Variants in UPF2 observed in about 807,000 individuals in gnomAD.
UPF2 encodes regulator of nonsense transcripts 2.
In UPF2, 17 loss-of-function variants were observed where a neutral mutation model predicts 141.4. The ratio of observed to expected loss-of-function variants is 0.12; its 90% CI spans 0.08 to 0.18. UPF2 has a LOEUF of 0.18. UPF2 is among the 10% of genes least tolerant of loss of function. The pLI, the probability that UPF2 is intolerant of heterozygous loss-of-function variation, is 1.00. For missense variants in UPF2, 1,152 were observed against 1,515.9 expected (o/e 0.76, Z 3.99); for synonymous variants, 540 against 498.0 (o/e 1.08, Z -1.12).
At chr10:11,965,717 C>T (rs1242248140) in intron 10 of UPF2, among the ~76,000 whole-genome samples, 2 of 152,138 alleles carry the variant, frequency 1.3e-5, no homozygotes, top group African/African-American at 4.8e-5. Context: ...CCTCGGCCTC[C>T]CAAAGTGCTG....
chr10:11,943,274 C>A, intron 16 of UPF2, 106 bp from the exon 17 acceptor site: 1 of 978,542 alleles, frequency 1.0e-6, no homozygotes, highest in South Asian at 1.6e-5. Context: ...TTATTATTCT[C>A]AAGTTTTAGC....
chr10:12,041,928 C>G (rs576766093), intron 1 of UPF2, among the ~76,000 whole-genome samples: 1 of 152,294 alleles, frequency 6.6e-6, no homozygotes, highest in South Asian at 2.1e-4. Context: ...TCCGATCACC[C>G]CAGCGTGGAC....
At chr10:11,994,655 G>C (rs12416026) in intron 8 of UPF2, among the ~76,000 whole-genome samples, 7,975 of 152,190 alleles carry the variant, frequency 0.052, 285 homozygotes, top group Non-Finnish European at 0.08. Flanking sequence ...ACTATACTTG[G>C]TGTTGGAGAT....
chr10:11,952,254 T>C lies in UPF2; in HGVS notation c.2851-5A>G. ...TTTCTTCCACCAAACATAACGCTGA[T>C]AACAAATGAAAAATAAATTTAGCTA... On this transcript the variant is annotated splice_region_variant and splice_polypyrimidine_tract_variant and intron_variant, in intron 14 of 21. Transcript: ENST00000357604. 6.3e-7 allele frequency: 1 copy of C among 1,577,244 alleles called. No homozygotes were observed. Among genetic ancestry groups the C allele is most frequent in the East Asian group, 2.3e-5 (1 of 44,370 alleles).
chr10:11,944,402 G>T (rs1832975365), intron 16 of UPF2, among the ~76,000 whole-genome samples: 2 of 152,120 alleles, frequency 1.3e-5, no homozygotes, highest in South Asian at 4.1e-4. Context: ...TCTGAGGCAG[G>T]AGAATCACTG....
In UPF2 at chr10:11,981,748, C is replaced by A. The variant is rs185620565; in HGVS notation, c.1845-2583G>T. On this transcript the variant is annotated intron_variant, in intron 8 of 21. Coordinates refer to ENST00000357604, the MANE Select transcript of UPF2 (RefSeq NM_015542.4). ...CAGGCTGGAGTGGAGTGCAGTGGTA[C>A]AATCTCGGCTCACTGCAACCTCCGC... Among the ~76,000 whole-genome samples the A allele has an allele frequency of 6.7e-3, 1,025 of 152,086 alleles. 7 individuals are homozygous for A. The highest frequency in any genetic ancestry group is 0.023 in the African/African-American group (967 of 41,492).
In UPF2 at chr10:11,956,632, T is replaced by C; in HGVS notation, c.2371-109A>G. The C allele has an allele frequency of 2.1e-6, 2 of 952,550 alleles. No individual in the cohort carries two copies. Among genetic ancestry groups the C allele is most frequent in the Non-Finnish European group, 3.2e-6 (2 of 630,652 alleles). 59.0% of individuals were successfully genotyped at this position (952,550 alleles called of 1,614,324 possible). On this transcript the variant is annotated intron_variant, in intron 12 of 21. Coordinates refer to ENST00000357604, the MANE Select transcript of UPF2 (RefSeq NM_015542.4). The surrounding 1 kb of genome is among the most constrained non-coding windows in gnomAD (Gnocchi z 4.2). ...CGCAGAGAACTTTTGAAATAGAAAA[T>C]ACATTAGAAATCCTCTATCGGCCTC...
chr10:11,927,801 T>A (rs1284444578), intron 21 of UPF2, among the ~76,000 whole-genome samples: 1 of 152,060 alleles, frequency 6.6e-6, no homozygotes, highest in Non-Finnish European at 1.5e-5. Context: ...TTGATTAGAG[T>A]TATCTGAGCA....
chr10:11,947,786 C>CAAAAAAAAAA (rs58897556), intron 16 of UPF2, among the ~76,000 whole-genome samples: 8 of 65,606 alleles, frequency 1.2e-4, no homozygotes, highest in African/African-American at 4.7e-4. Context: ...AACCTTGTCT[C>CAAAAAAAAAA]AAAAAAAAAA....
At chr10:12,004,916 C>T (rs1834010897) in intron 4 of UPF2, among the ~76,000 whole-genome samples, 189 bp from the exon 5 acceptor site, 2 of 152,002 alleles carry the variant, frequency 1.3e-5, no homozygotes, top group African/African-American at 2.4e-5. Flanking sequence ...TAAATAAAGC[C>T]CTAAAATAAA....
At position 11,955,360 on chromosome 10, in the gene UPF2, T is replaced by G. The variant is rs1393828160; in HGVS notation, c.2722A>C (p.Ser908Arg). ...AGATGCTCAGGTGGGTCCAGGGAAC[T>G]TGGAGAGCCATCAGGATTAACACCA... is the stretch of plus-strand genomic sequence containing the variant. ...SFGVNPDGSP[S>R]SLDPPEHLFR... Residue 908 changes from serine (S) to arginine (R), a missense_variant, in exon 14 of 22, where the codon AGT becomes CGT. By Grantham distance (110) the Ser-to-Arg change is moderately radical. Coordinates refer to ENST00000357604, the MANE Select transcript of UPF2 (RefSeq NM_015542.4). The G allele has an allele frequency of 2.5e-6, 4 of 1,614,060 alleles. No homozygotes were observed. The highest frequency in any genetic ancestry group is 3.4e-6 in the Non-Finnish European group (4 of 1,180,048).
intron 8 of UPF2, among the ~76,000 whole-genome samples, chr10:11,990,583 G>C (rs902393449): frequency 1.1e-4 from 17 of 151,650 alleles, no homozygotes; most frequent in Non-Finnish European, 2.2e-4. Context: ...AGGAGGCTGA[G>C]GCAGGAGAAT....
chr10:11,929,225 G>A (rs970922399), intron 21 of UPF2, among the ~76,000 whole-genome samples: 1 of 152,188 alleles, frequency 6.6e-6, no homozygotes, highest in African/African-American at 2.4e-5. Flanking sequence ...TTTAGTTTTT[G>A]TAAACATCGA....
At chr10:11,961,297 T>G (rs1266551370) in intron 11 of UPF2, among the ~76,000 whole-genome samples, 1 of 152,024 alleles carries the variant, frequency 6.6e-6, no homozygotes, top group East Asian at 1.9e-4. Flanking sequence ...CAATAAGTAC[T>G]GAGATCCGAA....
At chr10:11,941,254 T>C (rs973090084) in intron 18 of UPF2, among the ~76,000 whole-genome samples, 6 of 152,224 alleles carry the variant, frequency 3.9e-5, no homozygotes, top group African/African-American at 1.4e-4. Flanking sequence ...TTATATAAGA[T>C]GGGAAGTTTC....
At chr10:12,021,538 T>C (rs1447917807) in intron 3 of UPF2, among the ~76,000 whole-genome samples, 2 of 151,722 alleles carry the variant, frequency 1.3e-5, no homozygotes, top group African/African-American at 2.4e-5. Flanking sequence ...AAGGATCATA[T>C]GTGGGATTTA....
At chr10:11,955,188 C>A in intron 14 of UPF2, 44 bp downstream of exon 14, 1 of 1,497,532 alleles carries the variant, frequency 6.7e-7, no homozygotes. Flanking sequence ...AAAACACATG[C>A]AATATGTTAA....
In UPF2 at chr10:11,938,322, C is replaced by T. The variant is rs150904680; in HGVS notation, c.3379-1610G>A. On this transcript the variant is annotated intron_variant, in intron 18 of 21. Transcript: ENST00000357604. ...CAGACAATTTTTTTTTTAAATGATC[C>T]TTCCCACACATGGAAGGACTTTTCT... Among the ~76,000 whole-genome samples the T allele has an allele frequency of 1.6e-3, 246 of 151,662 alleles. 1 individual carries two copies. The highest frequency in any genetic ancestry group is 5.5e-3 in the African/African-American group (228 of 41,330).
At chr10:11,925,743 T>C (rs1484952463) in intron 21 of UPF2, among the ~76,000 whole-genome samples, 1 of 152,218 alleles carries the variant, frequency 6.6e-6, no homozygotes, top group Non-Finnish European at 1.5e-5. Context: ...AGCTGGAGAC[T>C]GTTCCACACA....
Sources: allele counts gnomAD v4.1 joint callset (sites outside exome capture counted in the v4.1 genomes callset), GRCh38; gene constraint gnomAD v4.1.1; non-coding constraint Gnocchi (gnomAD v3.1); transcripts MANE v1.5; gene names NCBI Gene and HGNC (gene_info 2026-07-23, HGNC 2026-07-21).